The following CD96 variants were observed in gnomAD, a reference collection of about 807,000 sequenced individuals.
CD96 encodes the protein T-cell surface protein tactile.
Under a neutral mutation model 71.3 loss-of-function variants are expected in CD96, and 70 were observed. The observed-to-expected ratio is 0.98, with a 90% CI of 0.81 to 1.20. The LOEUF is 1.20. Ranked by LOEUF, CD96 falls within the 50% of genes most tolerant of loss-of-function variation. The pLI, the probability that CD96 is intolerant of heterozygous loss-of-function variation, is 0.00. For missense variants in CD96, 742 were observed against 677.5 expected (o/e 1.10, Z -1.06); for synonymous variants, 248 against 233.0 (o/e 1.06, Z -0.59).
chr3:111,575,988 G>A (rs1056309795), intron 3 of CD96, among the ~76,000 whole-genome samples: 2 of 152,128 alleles, frequency 1.3e-5, no homozygotes, highest in African/African-American at 4.8e-5. Context: ...CCTCAGTTTA[G>A]CCAGGCACAT....
At chr3:111,578,661 C>T (rs1936329786) in intron 3 of CD96, among the ~76,000 whole-genome samples, 1 of 152,192 alleles carries the variant, frequency 6.6e-6, no homozygotes, top group African/African-American at 2.4e-5. Flanking sequence ...CACACTGATA[C>T]AGTCTTCTCA....
chr3:111,586,934 C>T (rs781605557), intron 5 of CD96, among the ~76,000 whole-genome samples: 28 of 152,138 alleles, frequency 1.8e-4, no homozygotes, highest in Non-Finnish European at 3.8e-4. Context: ...AGTCTTAACT[C>T]ATTGCAGCAT....
At chr3:111,602,030 G>T (rs901826836) in intron 7 of CD96, among the ~76,000 whole-genome samples, 4 of 152,168 alleles carry the variant, frequency 2.6e-5, no homozygotes, top group Non-Finnish European at 4.4e-5. Flanking sequence ...TTCAGAAATT[G>T]TGATGTATTT....
intron 3 of CD96, chr3:111,570,816 G>A (rs552460184): frequency 1.5e-5 from 25 of 1,613,548 alleles, no homozygotes; most frequent in African/African-American, 8.0e-5. Flanking sequence ...TGGAGGCACC[G>A]GGATGGGGGA....
At chr3:111,572,298 G>A (rs554227235) in intron 3 of CD96, among the ~76,000 whole-genome samples, 13 of 152,244 alleles carry the variant, frequency 8.5e-5, no homozygotes, top group East Asian at 1.9e-4. Flanking sequence ...TGTGATCAGC[G>A]GTGAGTGTAC....
chr3:111,607,444 C>T (rs960102830), intron 8 of CD96, among the ~76,000 whole-genome samples: 3 of 152,184 alleles, frequency 2.0e-5, no homozygotes, highest in Admixed American at 2.0e-4. Flanking sequence ...AAAGGAGTGG[C>T]AGTGACTCTC....
intron 5 of CD96, chr3:111,595,000 AAC>A (rs1389549814): frequency 1.8e-5 from 3 of 167,044 alleles, no homozygotes; most frequent in Non-Finnish European, 2.9e-5. Flanking sequence ...CATCTTCACA[AAC>A]ACAGCGTTGC....
chr3:111,572,617 A>C (rs189964669), intron 3 of CD96, among the ~76,000 whole-genome samples: 133 of 152,340 alleles, frequency 8.7e-4, no homozygotes, highest in Non-Finnish European at 1.4e-3. Context: ...AGGTGAGCTC[A>C]GGAGAGCAGA....
At position 111,637,986 on chromosome 3, in the gene CD96, G is replaced by C. The variant is rs952106892; in HGVS notation, c.1388-93G>C. The C allele has an allele frequency of 1.9e-5, 15 of 802,114 alleles. No homozygotes were observed. The African/African-American group carries it at 2.5e-4, about 14-fold the overall frequency. 49.7% of individuals were successfully genotyped at this position (802,114 alleles called of 1,614,324 possible). A position where few individuals can be genotyped will look rare whatever the true frequency, so the allele number is the denominator to read the frequency against. ...GGGATACTTAGACAATTTAAATTGA[G>C]TTCTTTCAAATAACATATGAAACCC... On this transcript the variant is annotated intron_variant, in intron 11 of 13. Coordinates refer to ENST00000352690, the MANE Select transcript of CD96 (RefSeq NM_005816.5).
intron 2 of CD96, among the ~76,000 whole-genome samples, chr3:111,554,891 G>A (rs534177088): frequency 6.6e-6 from 1 of 151,924 alleles, no homozygotes; most frequent in Non-Finnish European, 1.5e-5. Flanking sequence ...CCATCTGGGG[G>A]TGATGGGAAA....
Position 111,651,408 on chromosome 3 carries a change from T to C in CD96, c.*1602T>C, listed in dbSNP as rs1177522228. 3.3e-5 allele frequency: 5 copies of C among 152,208 alleles called. No individual in the cohort carries two copies. The East Asian group carries it at 7.7e-4, about 23-fold the overall frequency. 9.4% of individuals were successfully genotyped at this position (152,208 alleles called of 1,614,324 possible). A position where few individuals can be genotyped will look rare whatever the true frequency, so the allele number is the denominator to read the frequency against. ...GTATTCACACTCAGGGTCATGCACT[T>C]GCACAATGTTGAGAATGAGTACCAC... On this transcript the variant is annotated 3_prime_UTR_variant, in exon 14 of 14. Coordinates refer to ENST00000352690, the MANE Select transcript of CD96 (RefSeq NM_005816.5).
intron 8 of CD96, among the ~76,000 whole-genome samples, chr3:111,614,201 C>T (rs891607407): frequency 3.9e-5 from 6 of 152,118 alleles, no homozygotes; most frequent in African/African-American, 1.4e-4. Flanking sequence ...GGCTCTAACT[C>T]AACTTGGAAA....
In CD96 at chr3:111,570,671, G is replaced by T. The variant is rs1477446612; in HGVS notation, c.543+3024G>T. The T allele has an allele frequency of 3.1e-6, 5 of 1,610,798 alleles. No homozygotes were observed. The African/African-American group carries it at 6.7e-5, about 21-fold the overall frequency. On this transcript the variant is annotated intron_variant, in intron 3 of 13. Transcript: ENST00000352690. ...TGGCCCGGGACATGACAAAGCATTT[G>T]CCCTGGTAGGAATCAGAGGGGCTGC...
intron 12 of CD96, among the ~76,000 whole-genome samples, chr3:111,645,361 G>A (rs910299122): frequency 7.2e-5 from 11 of 151,998 alleles, no homozygotes; most frequent in African/African-American, 2.7e-4. Flanking sequence ...TGGACTTTGG[G>A]GACTTGGAGG....
At chr3:111,635,810 A>G (rs1198445451) in intron 10 of CD96, among the ~76,000 whole-genome samples, 1 of 152,208 alleles carries the variant, frequency 6.6e-6, no homozygotes, top group African/African-American at 2.4e-5. Flanking sequence ...ACATACTTTG[A>G]TGAGATACAA....
intron 2 of CD96, among the ~76,000 whole-genome samples, chr3:111,562,672 T>A (rs1017514896): frequency 1.3e-5 from 2 of 152,248 alleles, no homozygotes; most frequent in Non-Finnish European, 2.9e-5. Context: ...GCTTCCTCTC[T>A]TTATGCATAG....
chr3:111,625,432 A>T (rs1271151181), intron 10 of CD96, among the ~76,000 whole-genome samples: 1 of 152,234 alleles, frequency 6.6e-6, no homozygotes, highest in Non-Finnish European at 1.5e-5. Flanking sequence ...AGAATTGAAA[A>T]GACAGTATTC....
intron 2 of CD96, among the ~76,000 whole-genome samples, chr3:111,553,056 T>G (rs1049592286): frequency 1.3e-5 from 2 of 151,808 alleles, no homozygotes; most frequent in Non-Finnish European, 2.9e-5. Flanking sequence ...TATTTTAGTA[T>G]GAATCTTTAA....
downstream of CD96, among the ~76,000 whole-genome samples, chr3:111,653,345 C>G (rs1475322356): frequency 1.3e-5 from 2 of 152,210 alleles, no homozygotes; most frequent in African/African-American, 2.4e-5. Flanking sequence ...TATTACACAA[C>G]ATTGTAGCAA....
Sources: allele counts gnomAD v4.1 joint callset (sites outside exome capture counted in the v4.1 genomes callset), GRCh38; gene constraint gnomAD v4.1.1; transcripts MANE v1.5; gene names NCBI Gene and HGNC (gene_info 2026-07-23, HGNC 2026-07-21).